The following TMEM185A variants were observed in gnomAD, a reference collection of about 807,000 sequenced individuals.
TMEM185A encodes the protein family with sequence similarity 11, member A.
In TMEM185A, 9 loss-of-function variants were observed where a neutral mutation model predicts 25.0. That is an observed-to-expected ratio of 0.36 (90% CI 0.22 to 0.63). The LOEUF is 0.63. TMEM185A is among the 20% of genes least tolerant of loss of function. TMEM185A has a pLI of 0.68. For missense variants in TMEM185A, 103 were observed against 237.4 expected (o/e 0.43, Z 3.72); for synonymous variants, 45 against 93.5 (o/e 0.48, Z 2.99).
At chrX:149,619,411 G>C (rs1557355336) in intron 1 of TMEM185A, among the ~76,000 whole-genome samples, 1 of 110,919 alleles carries the variant, frequency 9.0e-6, no homozygotes, top group African/African-American at 3.3e-5. Flanking sequence ...ACCATGAGTT[G>C]TTTTCCTTGA....
intron 2 of TMEM185A, 101 bp downstream of exon 2, chrX:149,611,186 T>C: frequency 5.0e-6 from 4 of 794,741 alleles, no homozygotes; most frequent in Non-Finnish European, 7.2e-6. Context: ...AGACCCCAGA[T>C]AGGTAGAAAA....
intron 3 of TMEM185A, among the ~76,000 whole-genome samples, chrX:149,604,350 G>T (rs2090034191): frequency 8.9e-6 from 1 of 111,905 alleles, no homozygotes; most frequent in Non-Finnish European, 1.9e-5. Flanking sequence ...GGTTCACTGG[G>T]AACACAGGCT....
chrX:149,620,418 G>A (rs1209600020), intron 1 of TMEM185A, among the ~76,000 whole-genome samples: 7 of 112,112 alleles, frequency 6.2e-5, no homozygotes, highest in Non-Finnish European at 1.3e-4. Context: ...TATTAAACTA[G>A]ATGTGCATTC....
chrX:149,606,854 C>T (rs1000807161), intron 3 of TMEM185A: 1 of 112,264 alleles, frequency 8.9e-6, no homozygotes, highest in Non-Finnish European at 1.9e-5. Context: ...TAATTCAGGC[C>T]CAATGCAGTC....
chrX:149,616,234 C>T (rs893739956), intron 1 of TMEM185A, among the ~76,000 whole-genome samples: 2 of 112,154 alleles, frequency 1.8e-5, no homozygotes, highest in Non-Finnish European at 3.8e-5. Context: ...TCATAGAACA[C>T]TCAATACTGT....
chrX:149,614,238 T>C (rs1361656402), intron 1 of TMEM185A, among the ~76,000 whole-genome samples: 1 of 111,482 alleles, frequency 9.0e-6, no homozygotes, highest in Non-Finnish European at 1.9e-5. Context: ...ACAAGCACAA[T>C]GGAGTCAAAC....
chrX:149,628,084 C>T (rs1408873462), intron 1 of TMEM185A, among the ~76,000 whole-genome samples: 3 of 112,033 alleles, frequency 2.7e-5, no homozygotes, highest in African/African-American at 9.8e-5. Flanking sequence ...CAACACTTCT[C>T]AGCCTTTGTT....
intron 3 of TMEM185A, 138 bp from the exon 4 acceptor site, chrX:149,604,208 C>T (rs1275787541): frequency 4.6e-6 from 2 of 438,521 alleles, no homozygotes; most frequent in East Asian, 4.1e-5. Flanking sequence ...CTGGAAACTC[C>T]TGATTTTCGG....
At chrX:149,622,293 T>C (rs2090143082) in intron 1 of TMEM185A, among the ~76,000 whole-genome samples, 1 of 112,491 alleles carries the variant, frequency 8.9e-6, no homozygotes, top group South Asian at 3.6e-4. Context: ...CCATGGAATA[T>C]GGAAATAATT....
intron 1 of TMEM185A, among the ~76,000 whole-genome samples, chrX:149,613,751 T>C (rs145703448): frequency 0.013 from 1,421 of 112,186 alleles, 21 homozygotes; most frequent in African/African-American, 0.044. Flanking sequence ...TATTCACAGG[T>C]TTCAGGGCTT....
chrX:149,621,008 A>T (rs1460664472), intron 1 of TMEM185A, among the ~76,000 whole-genome samples: 1 of 112,352 alleles, frequency 8.9e-6, no homozygotes, highest in Non-Finnish European at 1.9e-5. Flanking sequence ...TAAAAAAATC[A>T]GAACCAATTT....
intron 1 of TMEM185A, among the ~76,000 whole-genome samples, chrX:149,622,273 C>G (rs2090142974): frequency 8.9e-6 from 1 of 112,025 alleles, no homozygotes; most frequent in South Asian, 3.7e-4. Context: ...ATAACAAAAA[C>G]CTAACATGAC....
At chrX:149,626,011 C>T (rs1161179295) in intron 1 of TMEM185A, among the ~76,000 whole-genome samples, 1 of 112,439 alleles carries the variant, frequency 8.9e-6, no homozygotes, top group Non-Finnish European at 1.9e-5. Flanking sequence ...GCACAGGCTT[C>T]ATGAGACTGA....
At chrX:149,629,060 G>A (rs1386232663) in intron 1 of TMEM185A, among the ~76,000 whole-genome samples, 1 of 111,766 alleles carries the variant, frequency 8.9e-6, no homozygotes, top group African/African-American at 3.3e-5. Flanking sequence ...AGACACAAGG[G>A]TACAAATATG....
chrX:149,631,600 G>C lies in TMEM185A; in HGVS notation c.-20C>G. 1 of 1,157,813 alleles carries C rather than the reference G, an allele frequency of 8.6e-7. No individual in the cohort carries two copies. ...GTTCATGGCGGAGAACTTCACCGCG[G>C]CGTCCTCCTCCTCCTCCCCCGCACC... On this transcript the variant is annotated 5_prime_UTR_variant, in exon 1 of 7. Coordinates refer to ENST00000600449, the MANE Select transcript of TMEM185A (RefSeq NM_032508.4).
chrX:149,619,506 T>A (rs1370368693), intron 1 of TMEM185A, among the ~76,000 whole-genome samples: 2 of 110,988 alleles, frequency 1.8e-5, no homozygotes, highest in African/African-American at 6.6e-5. Flanking sequence ...TTTTCTTTTT[T>A]TTATTATTAT....
At chrX:149,628,235 TC>T (rs1370084915) in intron 1 of TMEM185A, among the ~76,000 whole-genome samples, 1 of 110,738 alleles carries the variant, frequency 9.0e-6, no homozygotes, top group Non-Finnish European at 1.9e-5. Context: ...AACCAGCAAC[TC>T]CCCCAAAGTA....
At chrX:149,616,603 T>G (rs1296720218) in intron 1 of TMEM185A, among the ~76,000 whole-genome samples, 1 of 112,092 alleles carries the variant, frequency 8.9e-6, no homozygotes, top group Non-Finnish European at 1.9e-5. Context: ...ATTGCATTTA[T>G]TGCCCCACTT....
At chrX:149,622,918 T>C (rs186897529) in intron 1 of TMEM185A, among the ~76,000 whole-genome samples, 2 of 112,255 alleles carry the variant, frequency 1.8e-5, no homozygotes, top group Admixed American at 1.9e-4. Context: ...CAGTTGTGCC[T>C]ATTTATGGGG....
Sources: gnomAD v4.1 joint callset for allele counts (sites outside exome capture counted in the v4.1 genomes callset) on GRCh38, gnomAD v4.1.1 for gene constraint, MANE v1.5 for transcripts, NCBI Gene and HGNC (gene_info 2026-07-23, HGNC 2026-07-21) for gene names.